The following MTA3 variants were observed in gnomAD, a reference collection of about 807,000 sequenced individuals.
The protein encoded by MTA3 is metastasis associated 1 family member 3.
Under a neutral mutation model 83.5 loss-of-function variants are expected in MTA3, and 34 were observed. The ratio of observed to expected loss-of-function variants is 0.41; its 90% confidence interval spans 0.31 to 0.54. MTA3 has a LOEUF of 0.54. MTA3 is among the 20% of genes least tolerant of loss of function. The pLI is 0.33. For synonymous variants in MTA3, 303 were observed against 252.7 expected (o/e 1.20, Z -1.89); for missense variants, 761 against 726.4 (o/e 1.05, Z -0.55).
At chr2:42,724,827 A>G (rs1056126376) in intron 16 of MTA3, among the ~76,000 whole-genome samples, 1 of 152,186 alleles carries the variant, frequency 6.6e-6, no homozygotes, top group Non-Finnish European at 1.5e-5. Context: ...GTCACCTTGT[A>G]GTGTTCCCTC....
Position 42,708,915 on chromosome 2 carries a change from G to C in MTA3, c.1344G>C (p.Gln448His). 6.2e-7 allele frequency: 1 copy of C among 1,614,010 alleles called. No homozygotes were observed. The highest frequency in any genetic ancestry group is 8.5e-7 in the Non-Finnish European group (1 of 1,179,874). ...VRSHVSRQAM[Q>H]GMPVRNTGSP... is the part of the protein sequence containing the mutation. Reference sequence around the variant, plus strand: ...GTCACGTGTCCCGCCAGGCCATGCAGGGAATGCCAGTCCGAAACACTGGGA... The same window carrying C: ...GTCACGTGTCCCGCCAGGCCATGCACGGAATGCCAGTCCGAAACACTGGGA... The change falls in exon 14 of 17, where the codon CAG (glutamine) becomes CAC (histidine). Residue 448 changes from glutamine (Q) to histidine (H), a missense_variant. Transcript: ENST00000405094.
chr2:42,576,849 A>G (rs1040499445), intron 2 of MTA3, among the ~76,000 whole-genome samples: 1 of 152,144 alleles, frequency 6.6e-6, no homozygotes, highest in African/African-American at 2.4e-5. Flanking sequence ...GTGAGCTGAG[A>G]TCGTGCCATT....
chr2:42,756,874 A>T lies in MTA3; in HGVS notation c.*3475A>T. 1.0e-6 allele frequency: 1 copy of T among 985,332 alleles called. No individual in the cohort carries two copies. Among genetic ancestry groups the T allele is most frequent in the Non-Finnish European group, 1.2e-6 (1 of 829,912 alleles). 61.0% of individuals were successfully genotyped at this position (985,332 alleles called of 1,614,324 possible). A position where few individuals can be genotyped will look rare whatever the true frequency, so the allele number is the denominator to read the frequency against. ...TTCTGAGCATGATACCACAGTGTGGATTGTCTGTCTGTAAGGAGATGCCAT... is the reference window on the plus strand; with the variant it reads ...TTCTGAGCATGATACCACAGTGTGGTTTGTCTGTCTGTAAGGAGATGCCAT... On this transcript the variant is annotated 3_prime_UTR_variant, in exon 17 of 17. Coordinates refer to ENST00000405094, the MANE Select transcript of MTA3 (RefSeq NM_001330442.2).
intron 12 of MTA3, among the ~76,000 whole-genome samples, 157 bp from the exon 13 acceptor site, chr2:42,707,745 TA>T (rs1450921018): frequency 2.6e-5 from 4 of 152,160 alleles, no homozygotes; most frequent in Admixed American, 1.3e-4. Context: ...TTCTGAGTAT[TA>T]AAAAAACAAA....
chr2:42,675,772 C>T (rs1337564253), intron 8 of MTA3, among the ~76,000 whole-genome samples: 2 of 152,116 alleles, frequency 1.3e-5, no homozygotes, highest in African/African-American at 4.8e-5. Flanking sequence ...TTTATTTACC[C>T]TACATTTTCT....
At chr2:42,661,326 C>T (rs557943042) in intron 8 of MTA3, among the ~76,000 whole-genome samples, 1 of 151,782 alleles carries the variant, frequency 6.6e-6, no homozygotes, top group African/African-American at 2.4e-5. Context: ...TAGTGAAACC[C>T]CTGTCTCTAC....
At position 42,674,628 on chromosome 2, in the gene MTA3, C is replaced by G. The variant is rs555336759; in HGVS notation, c.703-7773C>G. ...TTTTTTTTTTTTTTTGAGACGGAGTCTCACTCCATCACTAGGCTGGAGTGC... is the reference window on the plus strand; with the variant it reads ...TTTTTTTTTTTTTTTGAGACGGAGTGTCACTCCATCACTAGGCTGGAGTGC... On this transcript the variant is annotated intron_variant, in intron 8 of 16. Transcript: ENST00000405094. Among the ~76,000 whole-genome samples, 8 of 139,136 alleles carry G rather than the reference C, an allele frequency of 5.7e-5. No homozygotes were observed. The East Asian group carries it at 1.5e-3, about 26-fold the overall frequency. The allele number at this position is 139,136 out of a possible 152,430, so 91.3% of individuals were successfully genotyped here. A position where few individuals can be genotyped will look rare whatever the true frequency, so the allele number is the denominator to read the frequency against.
At chr2:42,631,494 T>C (rs1438690880) in intron 4 of MTA3, among the ~76,000 whole-genome samples, 1 of 152,092 alleles carries the variant, frequency 6.6e-6, no homozygotes, top group African/African-American at 2.4e-5. Flanking sequence ...CAAGTACTTG[T>C]GTGTGTGTTT....
At chr2:42,536,458 AG>A (rs1219725496) in intron 2 of MTA3, among the ~76,000 whole-genome samples, 1 of 145,878 alleles carries the variant, frequency 6.9e-6, no homozygotes, top group African/African-American at 2.5e-5. Context: ...CTGGGCAACA[AG>A]ATCGAAACTC....
chr2:42,588,431 T>C (rs1391166543), intron 3 of MTA3, among the ~76,000 whole-genome samples: 1 of 152,232 alleles, frequency 6.6e-6, no homozygotes, highest in Non-Finnish European at 1.5e-5. Context: ...TTCTTTGTTC[T>C]TCTCAACTGT....
intron 2 of MTA3, among the ~76,000 whole-genome samples, chr2:42,572,052 C>T (rs1053351140): frequency 5.3e-5 from 8 of 151,944 alleles, no homozygotes; most frequent in African/African-American, 9.7e-5. Context: ...CCAAGGCAGG[C>T]GGATCACGGG....
chr2:42,585,476 CTTT>C (rs35808147), intron 3 of MTA3, among the ~76,000 whole-genome samples: 5 of 119,024 alleles, frequency 4.2e-5, no homozygotes, highest in Non-Finnish European at 6.8e-5. Flanking sequence ...TCTTTCTTTT[CTTT>C]TTTTTTTTTT....
intron 9 of MTA3, among the ~76,000 whole-genome samples, chr2:42,685,280 A>G (rs1259955354): frequency 6.6e-6 from 1 of 152,108 alleles, no homozygotes; most frequent in Non-Finnish European, 1.5e-5. Flanking sequence ...GTAGCATGGT[A>G]TATATTAGTT....
At chr2:42,710,992 T>C (rs1238921909) in intron 14 of MTA3, among the ~76,000 whole-genome samples, 3 of 152,018 alleles carry the variant, frequency 2.0e-5, no homozygotes, top group African/African-American at 7.3e-5. Context: ...GGCAAGAGAA[T>C]CACTTGAACC....
At chr2:42,600,279 C>A (rs189336995) in intron 3 of MTA3, among the ~76,000 whole-genome samples, 47 of 152,198 alleles carry the variant, frequency 3.1e-4, no homozygotes, top group African/African-American at 1.0e-3. Flanking sequence ...GAAAGGGCAA[C>A]AGGATTAGAA....
At chr2:42,688,259 T>C (rs1692565327) in intron 9 of MTA3, among the ~76,000 whole-genome samples, 1 of 152,184 alleles carries the variant, frequency 6.6e-6, no homozygotes, top group Non-Finnish European at 1.5e-5. Flanking sequence ...TTAATTATTA[T>C]TTTTTGTATA....
At chr2:42,617,663 C>G (rs1404882229) in intron 4 of MTA3, among the ~76,000 whole-genome samples, 2 of 151,954 alleles carry the variant, frequency 1.3e-5, no homozygotes, top group Non-Finnish European at 2.9e-5. Flanking sequence ...GTAATCTCAG[C>G]TACTAGGGAG....
At chr2:42,632,379 C>T (rs59488695) in intron 4 of MTA3, among the ~76,000 whole-genome samples, 8 of 152,228 alleles carry the variant, frequency 5.3e-5, no homozygotes, top group East Asian at 1.9e-4. Context: ...CTTGAGCCAC[C>T]GCGCCCAGCC....
intron 14 of MTA3, among the ~76,000 whole-genome samples, chr2:42,716,477 C>G (rs774765754): frequency 1.6e-4 from 25 of 152,132 alleles, no homozygotes; most frequent in Non-Finnish European, 2.6e-4. Context: ...ACTGTCCCTC[C>G]TCTCACCCTC....
Sources: gnomAD v4.1 joint callset for allele counts (sites outside exome capture counted in the v4.1 genomes callset) on GRCh38, gnomAD v4.1.1 for gene constraint, MANE v1.5 for transcripts, NCBI Gene and HGNC (gene_info 2026-07-23, HGNC 2026-07-21) for gene names.